GPCPD1: variants seen among roughly 807,000 people sequenced by gnomAD.
The protein encoded by GPCPD1 is glycerophosphocholine phosphodiesterase GPCPD1.
A neutral mutation model predicts 89.2 loss-of-function variants in GPCPD1; 29 were observed. The ratio of observed to expected loss-of-function variants is 0.33; its 90% confidence interval spans 0.24 to 0.44. The LOEUF is 0.44. GPCPD1 is among the 20% of genes least tolerant of loss of function. The pLI is 1.00. For synonymous variants in GPCPD1, 258 were observed against 266.3 expected (o/e 0.97, Z 0.30); for missense variants, 594 against 808.9 (o/e 0.73, Z 3.22).
intron 14 of GPCPD1, among the ~76,000 whole-genome samples, chr20:5,565,910 T>C (rs2122608558): frequency 6.6e-6 from 1 of 152,320 alleles, no homozygotes; most frequent in South Asian, 2.1e-4. Flanking sequence ...ATATCAAGTT[T>C]TTCTTAAAAA....
chr20:5,577,762 C>G (rs890492547), intron 8 of GPCPD1, among the ~76,000 whole-genome samples: 1 of 152,032 alleles, frequency 6.6e-6, no homozygotes, highest in Non-Finnish European at 1.5e-5. Context: ...CATACCACTA[C>G]CGAGCCAGGC....
At chr20:5,609,010 A>C (rs1980777523) in intron 1 of GPCPD1, among the ~76,000 whole-genome samples, 1 of 152,164 alleles carries the variant, frequency 6.6e-6, no homozygotes, top group East Asian at 1.9e-4. Context: ...CCTCAAATAA[A>C]CTTTCCCGAC....
intron 19 of GPCPD1, chr20:5,549,171 T>G: frequency 1.5e-6 from 1 of 661,658 alleles, no homozygotes; most frequent in Non-Finnish European, 2.8e-6. Context: ...TGATGGCTAA[T>G]TTACATTGAA....
At position 5,580,037 on chromosome 20, in the gene GPCPD1, G is replaced by T; in HGVS notation, c.444C>A (p.Thr148=). 1 of 1,525,826 alleles carries T rather than the reference G, an allele frequency of 6.6e-7. No homozygotes were observed. Among genetic ancestry groups the T allele is most frequent in the Non-Finnish European group, 9.1e-7 (1 of 1,103,846 alleles). The allele number at this position is 1,525,826 out of a possible 1,614,324, so 94.5% of individuals were successfully genotyped here. A position where few individuals can be genotyped will look rare whatever the true frequency, so the allele number is the denominator to read the frequency against. The change falls in exon 7 of 20, where the codon ACC becomes ACA. Residue 148 remains threonine, a synonymous_variant. Coordinates refer to ENST00000379019, the MANE Select transcript of GPCPD1 (RefSeq NM_019593.5). ...ATCTAGATTTTTTTAATTTTTTCTTGGTTATTGACACAGGAGGTTTTTCAG... is the reference window on the plus strand; with the variant it reads ...ATCTAGATTTTTTTAATTTTTTCTTTGTTATTGACACAGGAGGTTTTTCAG... The part of the protein sequence containing the change: ...HYSEKPPVSI[T]KKKLKKSRFR...
In GPCPD1 at chr20:5,547,762, A is replaced by G; in HGVS notation, c.1918T>C (p.Cys640Arg). 3 of 1,610,480 alleles carry G rather than the reference A, an allele frequency of 1.9e-6. No homozygotes were observed. Among genetic ancestry groups the G allele is most frequent in the Non-Finnish European group, 2.5e-6 (3 of 1,176,746 alleles). ...LKQELPELKSCLCPTVSRFVP... is the reference protein window; with the variant it reads ...LKQELPELKSRLCPTVSRFVP... ...AAGCGGCTAACAGTGGGACACAAAC[A>G]GCTCTTAAGCTCTGGCAATTCCTGC... Residue 640 changes from cysteine (C) to arginine (R), a missense_variant, in exon 20 of 20, where the codon TGT (cysteine) becomes CGT (arginine). Physicochemically the swap from Cys to Arg is radical, Grantham distance 180. Transcript: ENST00000379019.
At position 5,545,131 on chromosome 20, in the gene GPCPD1, A is replaced by G. The variant is rs1984973204; in HGVS notation, c.*2530T>C. The G allele has an allele frequency of 6.6e-6, 1 of 152,260 alleles. No homozygotes were observed. The highest frequency in any genetic ancestry group is 2.4e-5 in the African/African-American group (1 of 41,476). 9.4% of individuals were successfully genotyped at this position (152,260 alleles called of 1,614,324 possible). ...ATTTAACATTATACCTCTACATTTC[A>G]AAATTCACATCAATAAACCATCCTA... On this transcript the variant is annotated 3_prime_UTR_variant, in exon 20 of 20. Coordinates refer to ENST00000379019, the MANE Select transcript of GPCPD1 (RefSeq NM_019593.5).
At chr20:5,559,858 AC>A in intron 17 of GPCPD1, 81 bp downstream of exon 17, 3 of 691,196 alleles carry the variant, frequency 4.3e-6, no homozygotes, top group Non-Finnish European at 7.0e-6. Flanking sequence ...GGAAAGCTGG[AC>A]AACTACCCCA....
rs900307220 is a variant in GPCPD1 at position 5,574,995 on chromosome 20, T to C, written c.1001+418A>G. Among the ~76,000 whole-genome samples the C allele has an allele frequency of 2.6e-5, 4 of 152,338 alleles. No homozygotes were observed. In the East Asian group the frequency reaches 7.7e-4, roughly 29 times the overall value. On this transcript the variant is annotated intron_variant, in intron 10 of 19. Coordinates refer to ENST00000379019, the MANE Select transcript of GPCPD1 (RefSeq NM_019593.5). ...ATGTCTGTTGAGAAGACAGAGCATC[T>C]TTCGTTGAGGTCCAAGTTAACTAAT...
At chr20:5,584,133 C>T in intron 6 of GPCPD1, 148 bp downstream of exon 6, 1 of 479,756 alleles carries the variant, frequency 2.1e-6, no homozygotes, top group Non-Finnish European at 3.9e-6. Flanking sequence ...GAGACTGCTG[C>T]TGCACGTGTG....
chr20:5,606,680 A>G (rs1441775515), intron 1 of GPCPD1, among the ~76,000 whole-genome samples: 1 of 152,206 alleles, frequency 6.6e-6, no homozygotes, highest in African/African-American at 2.4e-5. Flanking sequence ...GCTGAACACC[A>G]TACAATACGC....
intron 1 of GPCPD1, among the ~76,000 whole-genome samples, chr20:5,609,303 A>C (rs771876314): frequency 6.6e-6 from 1 of 152,196 alleles, no homozygotes; most frequent in East Asian, 1.9e-4. Context: ...ATTTTTGCTC[A>C]TCTTGGTGAA....
chr20:5,607,798 A>T (rs1980695740), intron 1 of GPCPD1, among the ~76,000 whole-genome samples: 1 of 149,184 alleles, frequency 6.7e-6, no homozygotes, highest in African/African-American at 2.5e-5. Context: ...TGCCTGTGTG[A>T]CAGAATGAGA....
rs544346820 is a variant in GPCPD1 at position 5,544,734 on chromosome 20, A to G, written c.*2927T>C. The G allele has an allele frequency of 6.6e-6, 1 of 152,334 alleles. No individual in the cohort carries two copies. Among genetic ancestry groups the G allele is most frequent in the South Asian group, 2.1e-4 (1 of 4,816 alleles). 9.4% of individuals were successfully genotyped at this position (152,334 alleles called of 1,614,324 possible). A position where few individuals can be genotyped will look rare whatever the true frequency, so the allele number is the denominator to read the frequency against. On this transcript the variant is annotated 3_prime_UTR_variant, in exon 20 of 20. Transcript: ENST00000379019. Reference sequence around the variant, plus strand: ...CCCAGCTACAACATTAAATAGTAAGACTGAGAGGCTGTCTGCATGTTTCCA... The same window carrying G: ...CCCAGCTACAACATTAAATAGTAAGGCTGAGAGGCTGTCTGCATGTTTCCA...
chr20:5,605,287 A>G (rs1221232391), intron 1 of GPCPD1, among the ~76,000 whole-genome samples: 2 of 152,222 alleles, frequency 1.3e-5, no homozygotes, highest in Non-Finnish European at 2.9e-5. Flanking sequence ...AATTCAAGGT[A>G]TCTTTCCTGA....
At chr20:5,604,205 A>G (rs1277166626) in intron 2 of GPCPD1, among the ~76,000 whole-genome samples, 159 bp downstream of exon 2, 1 of 152,184 alleles carries the variant, frequency 6.6e-6, no homozygotes, top group African/African-American at 2.4e-5. Context: ...TGGTGTGTTT[A>G]CTATGCTCCA....
intron 6 of GPCPD1, among the ~76,000 whole-genome samples, chr20:5,581,797 T>A (rs370776770): frequency 7.0e-6 from 1 of 143,162 alleles, no homozygotes; most frequent in Non-Finnish European, 1.5e-5. Context: ...GAATGCTTAA[T>A]AATTGTGGGA....
In GPCPD1 at chr20:5,580,877, A is replaced by AT. The variant is rs1005700106; in HGVS notation, c.350-747dup. On this transcript the variant is annotated intron_variant, in intron 6 of 19. Coordinates refer to ENST00000379019, the MANE Select transcript of GPCPD1 (RefSeq NM_019593.5). ...AAAAAATCTAAAAGGAATCAATTCC[A>AT]TTTTTTTTTTTTTTGAGATAGAGTC... Among the ~76,000 whole-genome samples the AT allele has an allele frequency of 6.1e-3, 880 of 144,346 alleles. 8 individuals are homozygous for AT. The highest frequency in any genetic ancestry group is 0.013 in the African/African-American group (496 of 39,636). The allele number at this position is 144,346 out of a possible 152,430, so 94.7% of individuals were successfully genotyped here.
intron 19 of GPCPD1, among the ~76,000 whole-genome samples, chr20:5,557,493 G>C (rs914928588): frequency 6.6e-6 from 1 of 152,210 alleles, no homozygotes; most frequent in Non-Finnish European, 1.5e-5. Context: ...AATATGGTCT[G>C]AATTGTCACT....
intron 11 of GPCPD1, among the ~76,000 whole-genome samples, chr20:5,571,799 C>T (rs1443541272): frequency 6.6e-6 from 1 of 152,004 alleles, no homozygotes; most frequent in African/African-American, 2.4e-5. Context: ...ATCTCAGCTA[C>T]TCGGGAGGCT....
Sources: gnomAD v4.1 joint callset for allele counts (sites outside exome capture counted in the v4.1 genomes callset) on GRCh38, gnomAD v4.1.1 for gene constraint, MANE v1.5 for transcripts, NCBI Gene and HGNC (gene_info 2026-07-23, HGNC 2026-07-21) for gene names.